The following CAMTA1 variants were observed in gnomAD, a reference collection of about 807,000 sequenced individuals.
The protein encoded by CAMTA1 is calmodulin binding transcription activator 1, also known as calmodulin-binding transcription activator 1.
In CAMTA1, 27 loss-of-function variants were observed where a neutral mutation model predicts 170.9. That is an observed-to-expected ratio of 0.16 (90% CI 0.12 to 0.22). The LOEUF (loss-of-function observed/expected upper bound fraction) is 0.22, where lower values mean the gene tolerates loss of function less well. Ranked by LOEUF, CAMTA1 falls within the 10% of genes least tolerant of loss-of-function variation. CAMTA1 has a pLI of 1.00. For missense variants in CAMTA1, 1,619 were observed against 2,217.2 expected (o/e 0.73, Z 5.42); for synonymous variants, 833 against 891.5 (o/e 0.93, Z 1.17).
At chr1:7,304,596 G>A (rs564475152) in intron 5 of CAMTA1, among the ~76,000 whole-genome samples, 1 of 135,194 alleles carries the variant, frequency 7.4e-6, no homozygotes, top group South Asian at 2.6e-4. Flanking sequence ...TGTTATCAAA[G>A]CTTTTTTTTT....
rs1445057167 is a variant in CAMTA1, at chr1:7,030,383, C to T, written c.235-60921C>T. On this transcript the variant is annotated intron_variant, in intron 3 of 22. Transcript: ENST00000303635. ...TATGCAGATCTTCCACATGTTGACA[C>T]GTTTTATTATACAATAACCCCCACC... Among the ~76,000 whole-genome samples, 6 of 152,130 alleles carry T rather than the reference C, an allele frequency of 3.9e-5. No individual in the cohort carries two copies. The South Asian group carries it at 1.0e-3, about 26-fold the overall frequency.
chr1:7,052,160 T>C (rs976101902), intron 3 of CAMTA1, among the ~76,000 whole-genome samples: 1 of 152,184 alleles, frequency 6.6e-6, no homozygotes, highest in Non-Finnish European at 1.5e-5. Flanking sequence ...CTTCGGCTGC[T>C]TCACGCCCCA....
intron 6 of CAMTA1, among the ~76,000 whole-genome samples, chr1:7,545,632 A>G (rs1283884755): frequency 6.6e-6 from 1 of 152,022 alleles, no homozygotes. Context: ...CACATAAGGG[A>G]TACTGAGCTC....
intron 4 of CAMTA1, among the ~76,000 whole-genome samples, chr1:7,166,876 T>C (rs1648578037): frequency 6.6e-6 from 1 of 151,542 alleles, no homozygotes; most frequent in Admixed American, 6.6e-5. Flanking sequence ...AGTGGTGCAA[T>C]CTTGGCTCAC....
chr1:7,238,489 C>T (rs963992363), intron 4 of CAMTA1, among the ~76,000 whole-genome samples: 6 of 152,232 alleles, frequency 3.9e-5, no homozygotes, highest in African/African-American at 1.4e-4. Context: ...AGACTCGCTG[C>T]AGAGCAAGAC....
chr1:7,397,831 A>C lies in CAMTA1; in HGVS notation c.439-69999A>C, dbSNP rs931134809. On this transcript the variant is annotated intron_variant, in intron 5 of 22. Coordinates refer to ENST00000303635, the MANE Select transcript of CAMTA1 (RefSeq NM_015215.4). ...TGATTTTTAGTTTTATTCCATTATG[A>C]TCAGAAAAGATACATGATATTATTT... Among the ~76,000 whole-genome samples the C allele has an allele frequency of 3.3e-5, 5 of 152,070 alleles. No individual in the cohort carries two copies. The South Asian group carries it at 1.0e-3, about 32-fold the overall frequency.
intron 1 of CAMTA1, among the ~76,000 whole-genome samples, chr1:6,797,572 A>G (rs1282485360): frequency 6.6e-6 from 1 of 151,780 alleles, no homozygotes; most frequent in Non-Finnish European, 1.5e-5. Flanking sequence ...TTTTTAGCAG[A>G]GACGGGGTTT....
At chr1:7,663,169 A>G (rs2095975599) in intron 8 of CAMTA1, among the ~76,000 whole-genome samples, 184 bp from the exon 9 acceptor site, 1 of 152,202 alleles carries the variant, frequency 6.6e-6, no homozygotes, top group Non-Finnish European at 1.5e-5. Context: ...GGCTTGGGGT[A>G]CGTGTCCAAG....
chr1:7,015,967 A>T (rs193036705), intron 3 of CAMTA1, among the ~76,000 whole-genome samples: 1 of 152,230 alleles, frequency 6.6e-6, no homozygotes, highest in Non-Finnish European at 1.5e-5. Flanking sequence ...AGAACTCACT[A>T]TCATGAGAAC....
chr1:7,461,437 T>C (rs2093086109), intron 5 of CAMTA1, among the ~76,000 whole-genome samples: 1 of 152,264 alleles, frequency 6.6e-6, no homozygotes, highest in African/African-American at 2.4e-5. Context: ...CGGCCACATG[T>C]GGCTGTTGAG....
intron 6 of CAMTA1, among the ~76,000 whole-genome samples, chr1:7,626,762 T>C (rs897168099): frequency 6.6e-6 from 1 of 152,106 alleles, no homozygotes; most frequent in Non-Finnish European, 1.5e-5. Flanking sequence ...GTTTTCCCAA[T>C]TGGAGATGGA....
intron 6 of CAMTA1, among the ~76,000 whole-genome samples, chr1:7,630,031 A>G (rs184379701): frequency 3.7e-4 from 57 of 152,308 alleles, no homozygotes; most frequent in African/African-American, 1.3e-3. Context: ...ATTTAGTGTC[A>G]TCTGCAAACG....
At chr1:7,476,011 G>A (rs914276193) in intron 6 of CAMTA1, among the ~76,000 whole-genome samples, 10 of 152,328 alleles carry the variant, frequency 6.6e-5, no homozygotes, top group African/African-American at 2.4e-4. Flanking sequence ...TGCCAAGAAG[G>A]GCAAGAGAAA....
At chr1:7,356,749 T>C (rs929976271) in intron 5 of CAMTA1, among the ~76,000 whole-genome samples, 1 of 152,210 alleles carries the variant, frequency 6.6e-6, no homozygotes, top group Non-Finnish European at 1.5e-5. Context: ...GAACAGGGCC[T>C]TTGGAATCAT....
intron 6 of CAMTA1, among the ~76,000 whole-genome samples, chr1:7,621,475 C>T (rs1009455439): frequency 1.6e-4 from 25 of 152,194 alleles, no homozygotes; most frequent in Non-Finnish European, 7.3e-5. Flanking sequence ...GTCTGAGCAT[C>T]GTGCCTCGGT....
intron 3 of CAMTA1, among the ~76,000 whole-genome samples, chr1:7,058,515 G>A (rs1243208933): frequency 6.6e-6 from 1 of 152,096 alleles, no homozygotes; most frequent in Non-Finnish European, 1.5e-5. Flanking sequence ...GTAGTTTCTT[G>A]GTGCAGAGTG....
At chr1:7,398,185 CTCTCTCTCTATA>C (rs1292178600) in intron 5 of CAMTA1, among the ~76,000 whole-genome samples, 33 of 46,516 alleles carry the variant, frequency 7.1e-4, no homozygotes, top group East Asian at 6.5e-4. Context: ...CTCTCTCTCT[CTCTCTCTCTATA>C]TATATATATA....
intron 3 of CAMTA1, among the ~76,000 whole-genome samples, chr1:7,012,707 C>T (rs1400605258): frequency 6.6e-6 from 1 of 152,300 alleles, no homozygotes; most frequent in South Asian, 2.1e-4. Flanking sequence ...TTCCTTTCCT[C>T]TCACCACTGG....
At chr1:7,075,128 T>G (rs1415648491) in intron 3 of CAMTA1, among the ~76,000 whole-genome samples, 2 of 152,242 alleles carry the variant, frequency 1.3e-5, no homozygotes, top group Non-Finnish European at 2.9e-5. Flanking sequence ...TTACATCTTG[T>G]GTTCTCTCCT....
Sources: gnomAD v4.1 joint callset for allele counts (sites outside exome capture counted in the v4.1 genomes callset) on GRCh38, gnomAD v4.1.1 for gene constraint, MANE v1.5 for transcripts, NCBI Gene and HGNC (gene_info 2026-07-23, HGNC 2026-07-21) for gene names.